The following ERBB4 variants were observed in gnomAD, a reference collection of about 807,000 sequenced individuals.
ERBB4 encodes the protein receptor tyrosine-protein kinase erbB-4.
In ERBB4, 42 loss-of-function variants were observed where a neutral mutation model predicts 158.0. That is an observed-to-expected ratio of 0.27 (90% CI 0.21 to 0.34). ERBB4 has a LOEUF of 0.34. Among genes scored for constraint, ERBB4 ranks in the 10% least tolerant of loss-of-function variants. The pLI, the probability that ERBB4 is intolerant of heterozygous loss-of-function variation, is 1.00. For missense variants in ERBB4, 1,333 were observed against 1,624.1 expected, an observed-to-expected ratio of 0.82 and a Z score of 3.08; for synonymous variants, 583 against 558.7, an observed-to-expected ratio of 1.04 and a Z score of -0.61.
chr2:212,470,976 C>T (rs955905961), intron 1 of ERBB4, among the ~76,000 whole-genome samples: 4 of 151,926 alleles, frequency 2.6e-5, no homozygotes, highest in African/African-American at 4.8e-5. Context: ...AACCTAGATG[C>T]TTTATAAAGT....
At chr2:212,471,088 G>C (rs1689094280) in intron 1 of ERBB4, among the ~76,000 whole-genome samples, 1 of 151,920 alleles carries the variant, frequency 6.6e-6, no homozygotes, top group South Asian at 2.1e-4. Flanking sequence ...GAGAGAATGA[G>C]GGCAACTACT....
chr2:212,419,025 C>T (rs6755568), intron 1 of ERBB4, among the ~76,000 whole-genome samples: 26,457 of 151,664 alleles, frequency 0.17, 2,665 homozygotes, highest in African/African-American at 0.27. Context: ...AAGAGCCATA[C>T]CCTATACTCT....
At chr2:211,929,267 C>T (rs200972539) in intron 3 of ERBB4, among the ~76,000 whole-genome samples, 2 of 141,214 alleles carry the variant, frequency 1.4e-5, no homozygotes, top group Admixed American at 7.1e-5. Flanking sequence ...GTGTGTGTGA[C>T]AGAGAGAGAG....
At chr2:212,481,803 TGTAAA>T (rs571590294) in intron 1 of ERBB4, among the ~76,000 whole-genome samples, 16 of 152,340 alleles carry the variant, frequency 1.1e-4, no homozygotes, top group African/African-American at 3.4e-4. Context: ...GTTGCAGAGC[TGTAAA>T]GTATTTAAAG....
chr2:212,509,204 C>T (rs1691366767), intron 1 of ERBB4, among the ~76,000 whole-genome samples: 2 of 151,910 alleles, frequency 1.3e-5, no homozygotes, highest in South Asian at 2.1e-4. Context: ...ATGGATAAGG[C>T]CAAAGCAAAT....
At chr2:211,590,683 C>A (rs1479860348) in intron 19 of ERBB4, among the ~76,000 whole-genome samples, 1 of 152,210 alleles carries the variant, frequency 6.6e-6, no homozygotes, top group South Asian at 2.1e-4. Flanking sequence ...GAGACTGATT[C>A]GAGTAACGAT....
At chr2:212,454,862 G>C (rs1688197920) in intron 1 of ERBB4, among the ~76,000 whole-genome samples, 1 of 152,024 alleles carries the variant, frequency 6.6e-6, no homozygotes, top group African/African-American at 2.4e-5. Context: ...TGATTCTACA[G>C]TTCCTTTAGG....
intron 1 of ERBB4, among the ~76,000 whole-genome samples, chr2:212,344,929 G>A (rs921441239): frequency 6.6e-6 from 1 of 152,020 alleles, no homozygotes; most frequent in African/African-American, 2.4e-5. Flanking sequence ...ATCTCTCATA[G>A]GGTTGTTGCA....
At chr2:212,368,362 T>A (rs1021547065) in intron 1 of ERBB4, among the ~76,000 whole-genome samples, 3 of 152,128 alleles carry the variant, frequency 2.0e-5, no homozygotes, top group Non-Finnish European at 1.5e-5. Context: ...CACGGATATG[T>A]GGAAGCTAAG....
intron 20 of ERBB4, among the ~76,000 whole-genome samples, chr2:211,524,555 A>G (rs140057993): frequency 0.12 from 17,716 of 150,932 alleles, 1,916 homozygotes; most frequent in African/African-American, 0.28. Context: ...GTGAGAAATC[A>G]AGCGCAGCGC....
intron 4 of ERBB4, among the ~76,000 whole-genome samples, chr2:211,771,999 T>C (rs1022970228): frequency 7.2e-5 from 11 of 152,194 alleles, no homozygotes; most frequent in Non-Finnish European, 1.2e-4. Context: ...AACCCACAAT[T>C]AAATGTTATT....
intron 1 of ERBB4, among the ~76,000 whole-genome samples, chr2:212,307,517 C>T (rs968776831): frequency 4.0e-5 from 6 of 150,868 alleles, no homozygotes; most frequent in African/African-American, 1.5e-4. Context: ...CCACCAAGAA[C>T]ACAATATTAG....
intron 1 of ERBB4, among the ~76,000 whole-genome samples, chr2:212,363,295 G>T (rs1276976055): frequency 6.6e-6 from 1 of 151,126 alleles, no homozygotes; most frequent in Non-Finnish European, 1.5e-5. Flanking sequence ...TTAAGGAAAT[G>T]ATCACTTTTG....
At chr2:212,189,131 C>T (rs1439460033) in intron 1 of ERBB4, among the ~76,000 whole-genome samples, 2 of 151,130 alleles carry the variant, frequency 1.3e-5, no homozygotes, top group Admixed American at 6.6e-5. Context: ...GTTTAGCATC[C>T]TAATCTGAAA....
At chr2:211,973,013 C>T (rs1157798192) in intron 2 of ERBB4, among the ~76,000 whole-genome samples, 1 of 151,418 alleles carries the variant, frequency 6.6e-6, no homozygotes. Context: ...ATTTTGCAAA[C>T]TCTATATCTG....
chr2:211,713,473 G>T (rs191651072), intron 8 of ERBB4, 62 bp downstream of exon 8: 106 of 1,010,170 alleles, frequency 1.0e-4, no homozygotes, highest in Non-Finnish European at 1.3e-4. Context: ...CTACTTAAAA[G>T]TGAATTAAAA....
intron 1 of ERBB4, among the ~76,000 whole-genome samples, chr2:212,444,019 C>A (rs568784592): frequency 6.6e-6 from 1 of 152,172 alleles, no homozygotes; most frequent in African/African-American, 2.4e-5. Context: ...GTGGTATATA[C>A]GTGACTGGGC....
intron 1 of ERBB4, among the ~76,000 whole-genome samples, chr2:212,286,301 C>T (rs1198057902): frequency 6.6e-6 from 1 of 151,994 alleles, no homozygotes; most frequent in East Asian, 1.9e-4. Context: ...TTAAGTGGGC[C>T]TACAAGAAAC....
chr2:212,505,767 T>C (rs993990293), intron 1 of ERBB4, among the ~76,000 whole-genome samples: 4 of 149,074 alleles, frequency 2.7e-5, no homozygotes, highest in African/African-American at 9.7e-5. Context: ...CCAATGCTTA[T>C]CTTGCTTGCT....
Sources: allele counts gnomAD v4.1 joint callset (sites outside exome capture counted in the v4.1 genomes callset), GRCh38; gene constraint gnomAD v4.1.1; transcripts MANE v1.5; gene names NCBI Gene and HGNC (gene_info 2026-07-23, HGNC 2026-07-21).